GLB1L2: variants seen among roughly 807,000 people sequenced by gnomAD.
GLB1L2 encodes the protein galactosidase beta 1 like 2.
GLB1L2 carries 68 observed loss-of-function variants against 84.1 expected under a neutral mutation model. The ratio of observed to expected loss-of-function variants is 0.81; its 90% CI spans 0.67 to 0.99. The LOEUF (loss-of-function observed/expected upper bound fraction) is 0.99, where lower values mean the gene tolerates loss of function less well. Ranked by LOEUF, GLB1L2 falls within the 50% of genes least tolerant of loss-of-function variation. The pLI, the probability that GLB1L2 is intolerant of heterozygous loss-of-function variation, is 0.00. For synonymous variants in GLB1L2, 290 were observed against 318.0 expected, an observed-to-expected ratio of 0.91 and a Z score of 0.94; for missense variants, 762 against 805.6, an observed-to-expected ratio of 0.95 and a Z score of 0.66.
At chr11:134,335,388 T>C (rs1277356137) in intron 1 of GLB1L2, among the ~76,000 whole-genome samples, 1 of 152,184 alleles carries the variant, frequency 6.6e-6, no homozygotes, top group Non-Finnish European at 1.5e-5. Flanking sequence ...TTTCATGGAA[T>C]GTTCAAACTC....
At chr11:134,344,355 G>C in intron 2 of GLB1L2, 32 bp from the exon 3 acceptor site, 1 of 1,612,718 alleles carries the variant, frequency 6.2e-7, no homozygotes, top group Non-Finnish European at 8.5e-7. Flanking sequence ...TGAATGACAT[G>C]CTCTAGCCTA....
In GLB1L2 at chr11:134,375,187, G is replaced by C; in HGVS notation, c.*129G>C. 1.5e-6 allele frequency: 1 copy of C among 678,276 alleles called. No individual in the cohort carries two copies. Among genetic ancestry groups the C allele is most frequent in the Non-Finnish European group, 2.5e-6 (1 of 392,696 alleles). The allele number at this position is 678,276 out of a possible 1,614,324, so 42.0% of individuals were successfully genotyped here. A position where few individuals can be genotyped will look rare whatever the true frequency, so the allele number is the denominator to read the frequency against. ...TAAGTAGCAACCTCAGGGACTGGGGGCTACAGTCTGCCCCTGTCTCAGCTC... is the reference window on the plus strand; with the variant it reads ...TAAGTAGCAACCTCAGGGACTGGGGCCTACAGTCTGCCCCTGTCTCAGCTC... On this transcript the variant is annotated 3_prime_UTR_variant, in exon 19 of 19. Transcript: ENST00000535456.
intron 6 of GLB1L2, 115 bp downstream of exon 6, chr11:134,356,508 T>G (rs954820075): frequency 2.9e-6 from 2 of 682,222 alleles, no homozygotes. Context: ...TCCAACATCA[T>G]GTATTAGTGA....
intron 6 of GLB1L2, among the ~76,000 whole-genome samples, chr11:134,358,548 C>T (rs1299616750): frequency 2.6e-5 from 4 of 152,274 alleles, no homozygotes; most frequent in African/African-American, 2.4e-5. Context: ...GGGCAGTGCA[C>T]CGTGGGCACG....
intron 14 of GLB1L2, 103 bp downstream of exon 14, chr11:134,371,595 C>T: frequency 9.9e-7 from 1 of 1,011,664 alleles, no homozygotes; most frequent in Non-Finnish European, 1.6e-6. Context: ...GCTCCTTACC[C>T]ACAAGCTGTA....
intron 1 of GLB1L2, among the ~76,000 whole-genome samples, chr11:134,335,527 T>C (rs1191970484): frequency 6.6e-6 from 1 of 152,116 alleles, no homozygotes; most frequent in Non-Finnish European, 1.5e-5. Context: ...GCTAGGAAGA[T>C]CGAGTTGGCT....
chr11:134,344,970 G>C (rs1202393043), intron 3 of GLB1L2, 64 bp from the exon 4 acceptor site: 1 of 1,546,910 alleles, frequency 6.5e-7, no homozygotes, highest in Admixed American at 1.8e-5. Context: ...TGTGATGCGC[G>C]TGGCCCCCAC....
In GLB1L2 at chr11:134,370,650, G is replaced by C. The variant is rs1943939876; in HGVS notation, c.1215+251G>C. On this transcript the variant is annotated intron_variant, in intron 12 of 18. Transcript: ENST00000535456. This position sits in a 1 kb window ranked among gnomAD's most constrained non-coding sequence, Gnocchi z 4.7. The stretch of plus-strand genomic sequence containing the variant: ...TGGAGTGTGAAGTGGGAGAAACAGA[G>C]GTCCCTGAGGAACAGCGGCTGGCCC... 6.6e-6 allele frequency among the ~76,000 whole-genome samples: 1 copy of C among 152,074 alleles called. No homozygotes were observed. The highest frequency in any genetic ancestry group is 2.1e-4 in the South Asian group (1 of 4,828).
intron 13 of GLB1L2, 46 bp from the exon 14 acceptor site, chr11:134,371,375 C>A: frequency 7.7e-7 from 1 of 1,299,106 alleles, no homozygotes; most frequent in Non-Finnish European, 1.1e-6. Context: ...TCCCGCTTAC[C>A]CTCCTCCTGT....
intron 7 of GLB1L2, among the ~76,000 whole-genome samples, chr11:134,363,944 C>A (rs1943832223): frequency 6.6e-6 from 1 of 152,222 alleles, no homozygotes; most frequent in East Asian, 1.9e-4. Flanking sequence ...ATGGCACAAT[C>A]TCAGTTCACT....
At position 134,332,038 on chromosome 11, in the gene GLB1L2, G is replaced by A. The variant is rs1176588418; in HGVS notation, c.-24G>A. 2 of 1,519,906 alleles carry A rather than the reference G, an allele frequency of 1.3e-6. No individual in the cohort carries two copies. The highest frequency in any genetic ancestry group is 2.6e-5 in the East Asian group (1 of 39,086). 94.2% of individuals were successfully genotyped at this position (1,519,906 alleles called of 1,614,324 possible). ...AGTGCGGACTGGAGTGGGAACCCGG[G>A]TCCCCGCGCTTAGAGAACACGCGAT... is the stretch of plus-strand genomic sequence containing the variant. On this transcript the variant is annotated 5_prime_UTR_variant, in exon 1 of 19. Transcript: ENST00000535456.
chr11:134,368,618 C>G, intron 9 of GLB1L2, 26 bp from the exon 10 acceptor site: 1 of 1,612,596 alleles, frequency 6.2e-7, no homozygotes. Flanking sequence ...TCACTCTGCA[C>G]ATCCCCTTTC....
At position 134,368,745 on chromosome 11, in the gene GLB1L2, C is replaced by T; in HGVS notation, c.991C>T (p.His331Tyr). 1.9e-6 allele frequency: 3 copies of T among 1,613,788 alleles called. No individual in the cohort carries two copies. The highest frequency in any genetic ancestry group is 2.2e-5 in the East Asian group (1 of 44,890). ...TNFGFMNGAM[H>Y]FHDYKSDVTS... ...CTTTGGCTTCATGAATGGAGCCATG[C>T]ACTTCCATGACTACAAGTCAGATGT... The change falls in exon 10 of 19, where the codon CAC becomes TAC. Residue 331 changes from histidine (H) to tyrosine (Y), a missense_variant. Around this residue, in one of 3 missense-constraint regions of GLB1L2, gnomAD observed 603 missense variants for 611.7 expected, o/e 0.99. Coordinates refer to ENST00000535456, the MANE Select transcript of GLB1L2 (RefSeq NM_001370461.1).
intron 1 of GLB1L2, among the ~76,000 whole-genome samples, chr11:134,332,438 T>C (rs115200910): frequency 0.014 from 2,099 of 151,882 alleles, 42 homozygotes; most frequent in African/African-American, 0.043. Context: ...CTGCCCCCCG[T>C]GGACGCCCGC....
At chr11:134,337,312 G>A (rs1046100626) in intron 1 of GLB1L2, among the ~76,000 whole-genome samples, 3 of 152,232 alleles carry the variant, frequency 2.0e-5, no homozygotes, top group Non-Finnish European at 2.9e-5. Context: ...GCCCTTGGGC[G>A]TATTTAATGC....
Position 134,371,841 on chromosome 11 carries a change from G to C in GLB1L2, c.1507+11G>C. On this transcript the variant is annotated intron_variant, in intron 15 of 18. Coordinates refer to ENST00000535456, the MANE Select transcript of GLB1L2 (RefSeq NM_001370461.1). ...ATGACCAGCGCAAAGGTGGGTCCCAGAATGTGTCAAAAGAAGAGTGGCCAT... is the reference window on the plus strand; with the variant it reads ...ATGACCAGCGCAAAGGTGGGTCCCACAATGTGTCAAAAGAAGAGTGGCCAT... 1 of 1,613,440 alleles carries C rather than the reference G, an allele frequency of 6.2e-7. No homozygotes were observed. Among genetic ancestry groups the C allele is most frequent in the Non-Finnish European group, 8.5e-7 (1 of 1,179,374 alleles).
chr11:134,349,072 G>A (rs1402321161), intron 5 of GLB1L2, among the ~76,000 whole-genome samples: 2 of 152,286 alleles, frequency 1.3e-5, no homozygotes, highest in Middle Eastern at 3.4e-3. Context: ...GTCCTTTTCT[G>A]TCTTCCCCAA....
chr11:134,355,470 C>T (rs1482985519), intron 5 of GLB1L2, among the ~76,000 whole-genome samples: 6 of 152,296 alleles, frequency 3.9e-5, no homozygotes, highest in African/African-American at 1.4e-4. Context: ...CAGGGGAACC[C>T]TCACTAATTA....
chr11:134,347,747 G>T (rs1056828569), intron 5 of GLB1L2, among the ~76,000 whole-genome samples: 10 of 152,182 alleles, frequency 6.6e-5, no homozygotes, highest in Non-Finnish European at 8.8e-5. Flanking sequence ...CATCTCCATG[G>T]TTCCACAGAG....
Sources: gnomAD v4.1 joint callset for allele counts (sites outside exome capture counted in the v4.1 genomes callset) on GRCh38, gnomAD v4.1.1 for gene constraint, gnomAD v4.1.1 regional missense constraint, Gnocchi (gnomAD v3.1) non-coding constraint, MANE v1.5 for transcripts, NCBI Gene and HGNC (gene_info 2026-07-23, HGNC 2026-07-21) for gene names.